TLE1: variants seen among roughly 807,000 people sequenced by gnomAD.
TLE1 encodes the protein TLE family member 1, transcriptional corepressor, also known as transducin-like enhancer protein 1.
TLE1 carries 21 observed loss-of-function variants against 89.8 expected under a neutral mutation model. The observed-to-expected ratio is 0.23, with a 90% confidence interval of 0.17 to 0.34. The LOEUF (loss-of-function observed/expected upper bound fraction) is 0.34, where lower values mean the gene tolerates loss of function less well. Among genes scored for constraint, TLE1 ranks in the 10% least tolerant of loss-of-function variants. TLE1 has a pLI of 1.00. For missense variants in TLE1, 795 were observed against 1,031.2 expected, an observed-to-expected ratio of 0.77 and a Z score of 3.14; for synonymous variants, 447 against 407.6, an observed-to-expected ratio of 1.10 and a Z score of -1.16.
chr9:81,636,657 T>C (rs1442538670), intron 6 of TLE1, among the ~76,000 whole-genome samples: 1 of 151,934 alleles, frequency 6.6e-6, no homozygotes, highest in African/African-American at 2.4e-5. Flanking sequence ...ACTTCAGAGG[T>C]GGGATTCTTA....
In TLE1 at chr9:81,687,355, A is replaced by T. The variant is rs375169580; in HGVS notation, c.104T>A (p.Phe35Tyr). Residue 35 changes from phenylalanine (F) to tyrosine (Y), a missense_variant, in exon 2 of 20, where the codon TTC (phenylalanine) becomes TAC (tyrosine). Transcript: ENST00000376499. ...SLDRIKEEFQ[F>Y]LQAQYHSLKL... ...GCACCTGTGATACTGCGCCTGCAGG[A>T]ACTGGAATTCCTCTTTAATCCGGTC... 13 of 1,608,144 alleles carry T rather than the reference A, an allele frequency of 8.1e-6. No individual in the cohort carries two copies. In the African/African-American group the frequency reaches 1.7e-4, roughly 21 times the overall value.
At chr9:81,632,475 CT>C (rs11376391) in intron 8 of TLE1, among the ~76,000 whole-genome samples, 897 of 79,886 alleles carry the variant, frequency 0.011, 7 homozygotes, top group African/African-American at 0.027. Flanking sequence ...TTCAGTATCC[CT>C]TTTTTTTTTT....
intron 1 of TLE1, 143 bp from the exon 2 acceptor site, chr9:81,687,577 C>T (rs966684122): frequency 8.0e-6 from 5 of 622,220 alleles, no homozygotes; most frequent in South Asian, 1.9e-5. Context: ...CGAGTTTGCC[C>T]TTCACTATGG....
chr9:81,607,534 A>G (rs1443163966), intron 14 of TLE1, among the ~76,000 whole-genome samples: 1 of 152,148 alleles, frequency 6.6e-6, no homozygotes, highest in Non-Finnish European at 1.5e-5. Flanking sequence ...CTTTTTCCCT[A>G]AGGATCAGCT....
chr9:81,675,494 C>T, intron 4 of TLE1, among the ~76,000 whole-genome samples: 1 of 151,438 alleles, frequency 6.6e-6, no homozygotes, highest in Non-Finnish European at 1.5e-5. Flanking sequence ...AAACCTAGGC[C>T]CCAGCAACAT....
At position 81,587,777 on chromosome 9, in the gene TLE1, A is replaced by C. The variant is rs1440927046; in HGVS notation, c.1881T>G (p.Asp627Glu). 6.2e-7 allele frequency: 1 copy of C among 1,614,070 alleles called. No homozygotes were observed. The highest frequency in any genetic ancestry group is 8.5e-7 in the Non-Finnish European group (1 of 1,180,038). The change falls in exon 17 of 20, where the codon GAT (aspartate) becomes GAG (glutamate). Residue 627 changes from aspartate (D) to glutamate (E), a missense_variant. By Grantham distance (45) the Asp-to-Glu change is conservative. Transcript: ENST00000376499. ...DGASCIDISN[D>E]GTKLWTGGLD... ...AACCACCCGTCCAGAGCTTGGTGCC[A>C]TCATTAGAAATGTCAATACAGCTGG...
chr9:81,617,657 G>A (rs960101596), intron 9 of TLE1, among the ~76,000 whole-genome samples: 12 of 152,160 alleles, frequency 7.9e-5, no homozygotes, highest in Non-Finnish European at 1.8e-4. Flanking sequence ...AGCTGAGATC[G>A]TGCCACTGCA....
chr9:81,677,313 C>G (rs1833018094), intron 4 of TLE1, among the ~76,000 whole-genome samples: 8 of 151,754 alleles, frequency 5.3e-5, no homozygotes, highest in Admixed American at 3.9e-4. Context: ...CACCTGTAAT[C>G]CCAGCACTTT....
intron 6 of TLE1, among the ~76,000 whole-genome samples, chr9:81,650,737 G>C (rs1300476112): frequency 6.6e-6 from 1 of 152,124 alleles, no homozygotes; most frequent in Admixed American, 6.5e-5. Flanking sequence ...GCCTGGATCT[G>C]GGGGGAAGAG....
chr9:81,599,148 T>C (rs1830590173), intron 14 of TLE1, among the ~76,000 whole-genome samples: 2 of 152,190 alleles, frequency 1.3e-5, no homozygotes, highest in Admixed American at 1.3e-4. Flanking sequence ...AAGCGCAATA[T>C]AGTCAACCTT....
intron 4 of TLE1, among the ~76,000 whole-genome samples, chr9:81,665,552 C>T (rs1000021105): frequency 2.0e-5 from 3 of 152,042 alleles, no homozygotes; most frequent in Non-Finnish European, 4.4e-5. Context: ...GCTGCTTGGG[C>T]ACAGATAGCA....
intron 4 of TLE1, among the ~76,000 whole-genome samples, chr9:81,667,171 G>A (rs566920557): frequency 1.3e-5 from 2 of 151,966 alleles, no homozygotes; most frequent in East Asian, 1.9e-4. Context: ...CCAGCATTTC[G>A]GGAGGCCGAG....
chr9:81,611,703 C>A, intron 13 of TLE1, 66 bp downstream of exon 13: 1 of 1,365,364 alleles, frequency 7.3e-7, no homozygotes, highest in South Asian at 1.8e-5. Context: ...GGCCCCAAAC[C>A]TGACAGCGCT....
chr9:81,613,640 A>T, intron 11 of TLE1, 119 bp from the exon 12 acceptor site: 1 of 1,135,118 alleles, frequency 8.8e-7, no homozygotes. Context: ...GCCAATTTTC[A>T]TAAATCCACA....
rs774522189 is a variant in TLE1 at position 81,664,397 on chromosome 9, GA to G, written c.235-10362del. Among the ~76,000 whole-genome samples the G allele has an allele frequency of 3.1e-4, 47 of 152,142 alleles. 1 individual carries two copies. The highest frequency in any genetic ancestry group is 3.2e-3 in the Middle Eastern group (1 of 316). ...TTCTTTGCCAAGAGGCCTCCTTCAG[GA>G]TATCTGCTACTCAGAGTCTTAAGAT... On this transcript the variant is annotated intron_variant, in intron 4 of 19. Coordinates refer to ENST00000376499, the MANE Select transcript of TLE1 (RefSeq NM_005077.5).
At chr9:81,678,389 A>T (rs1041412466) in intron 4 of TLE1, among the ~76,000 whole-genome samples, 39 of 142,092 alleles carry the variant, frequency 2.7e-4, no homozygotes, top group African/African-American at 9.6e-4. Flanking sequence ...AATTTTTTTT[A>T]AATCTTTTAT....
At chr9:81,628,549 C>A (rs1289393682) in intron 8 of TLE1, among the ~76,000 whole-genome samples, 8 of 152,094 alleles carry the variant, frequency 5.3e-5, no homozygotes, top group Non-Finnish European at 1.5e-5. Context: ...GATGGGTGGT[C>A]CTAACTAGGA....
At chr9:81,598,239 G>A (rs111944659) in intron 14 of TLE1, among the ~76,000 whole-genome samples, 2 of 152,160 alleles carry the variant, frequency 1.3e-5, no homozygotes, top group African/African-American at 4.8e-5. Flanking sequence ...TAAACTCCCA[G>A]CCACACAGGA....
intron 14 of TLE1, among the ~76,000 whole-genome samples, chr9:81,608,678 T>G (rs1304159900): frequency 6.6e-6 from 1 of 152,182 alleles, no homozygotes; most frequent in Admixed American, 6.5e-5. Flanking sequence ...GGCTCACGCC[T>G]GTAATCGCAA....
Sources: gnomAD v4.1 joint callset for allele counts (sites outside exome capture counted in the v4.1 genomes callset) on GRCh38, gnomAD v4.1.1 for gene constraint, MANE v1.5 for transcripts, NCBI Gene and HGNC (gene_info 2026-07-23, HGNC 2026-07-21) for gene names.